LRP12: variants seen among roughly 807,000 people sequenced by gnomAD.
LRP12 encodes LDL receptor related protein 12, also known as low-density lipoprotein receptor-related protein 12.
A neutral mutation model predicts 66.0 loss-of-function variants in LRP12; 14 were observed. The ratio of observed to expected loss-of-function variants is 0.21; its 90% CI spans 0.14 to 0.33. The LOEUF (loss-of-function observed/expected upper bound fraction) is 0.33, where lower values mean the gene tolerates loss of function less well. Ranked by LOEUF, LRP12 falls within the 10% of genes least tolerant of loss-of-function variation. The probability of loss-of-function intolerance (pLI) is 1.00; values close to 1 mark genes in which losing one functional copy is unlikely to be tolerated. For missense variants in LRP12, 889 were observed against 1,053.4 expected (o/e 0.84, Z 2.16); for synonymous variants, 357 against 359.1 (o/e 0.99, Z 0.07).
At chr8:104,537,910 ATCTC>A (rs1811412903) in intron 1 of LRP12, among the ~76,000 whole-genome samples, 1 of 152,182 alleles carries the variant, frequency 6.6e-6, no homozygotes, top group Non-Finnish European at 1.5e-5. Flanking sequence ...TGGTTGCCTG[ATCTC>A]TCTGTGTGTT....
chr8:104,548,691 C>T (rs1350004975), intron 1 of LRP12, among the ~76,000 whole-genome samples: 1 of 89,984 alleles, frequency 1.1e-5, no homozygotes, highest in Non-Finnish European at 2.4e-5. Context: ...TGGCTCACGC[C>T]TGTAATCCCA....
intron 1 of LRP12, among the ~76,000 whole-genome samples, chr8:104,549,155 A>G (rs1490678412): frequency 5.9e-5 from 9 of 152,058 alleles, no homozygotes; most frequent in Admixed American, 5.9e-4. Flanking sequence ...AAAAAACAAA[A>G]GCAAAACCAC....
intron 1 of LRP12, among the ~76,000 whole-genome samples, chr8:104,578,375 A>G (rs948383538): frequency 2.0e-5 from 3 of 152,138 alleles, no homozygotes; most frequent in African/African-American, 7.2e-5. Context: ...AGCTAATAAC[A>G]AACTCTGAAA....
intron 1 of LRP12, among the ~76,000 whole-genome samples, chr8:104,537,916 C>G (rs923753107): frequency 1.3e-5 from 2 of 152,162 alleles, no homozygotes; most frequent in Non-Finnish European, 2.9e-5. Context: ...CCTGATCTCT[C>G]TGTGTGTTAT....
chr8:104,506,820 A>G (rs1164210667), intron 3 of LRP12: 2 of 152,192 alleles, frequency 1.3e-5, no homozygotes, highest in Non-Finnish European at 2.9e-5. Context: ...CACCATCTTA[A>G]GCAAGTTTTA....
At chr8:104,588,239 C>T (rs1323000354) in intron 1 of LRP12, among the ~76,000 whole-genome samples, 1 of 152,178 alleles carries the variant, frequency 6.6e-6, no homozygotes, top group Non-Finnish European at 1.5e-5. Context: ...GTGCTGCTCC[C>T]GGGGAACCAA....
intron 1 of LRP12, among the ~76,000 whole-genome samples, chr8:104,551,908 T>C (rs1443735952): frequency 4.6e-5 from 7 of 152,212 alleles, no homozygotes; most frequent in African/African-American, 1.7e-4. Context: ...TAAATGTTTG[T>C]TGTTTTAATG....
chr8:104,546,906 T>C (rs1811568771), intron 1 of LRP12, among the ~76,000 whole-genome samples: 1 of 143,642 alleles, frequency 7.0e-6, no homozygotes, highest in African/African-American at 2.6e-5. Context: ...TTATTATATA[T>C]ATTATATAAT....
Position 104,587,122 on chromosome 8 carries a change from A to G in LRP12, c.79+1697T>C, listed in dbSNP as rs1409913758. Among the ~76,000 whole-genome samples, 3 of 152,342 alleles carry G rather than the reference A, an allele frequency of 2.0e-5. No homozygotes were observed. The East Asian group carries it at 5.8e-4, about 29-fold the overall frequency. Reference sequence around the variant, plus strand: ...GAGGCAAAAGACTTCTAGTTCAAACACTGATGACACAGGTTTTAATGAAAG... The same window carrying G: ...GAGGCAAAAGACTTCTAGTTCAAACGCTGATGACACAGGTTTTAATGAAAG... On this transcript the variant is annotated intron_variant, in intron 1 of 6. Transcript: ENST00000276654.
intron 3 of LRP12, chr8:104,505,041 TAA>T (rs1191483412): frequency 6.6e-6 from 1 of 152,176 alleles, no homozygotes; most frequent in African/African-American, 2.4e-5. Context: ...TTTTTAAGAC[TAA>T]GTCTCATTCT....
At chr8:104,524,660 T>G (rs558902864) in intron 2 of LRP12, among the ~76,000 whole-genome samples, 1 of 152,316 alleles carries the variant, frequency 6.6e-6, no homozygotes, top group African/African-American at 2.4e-5. Context: ...TTTTAAGGTA[T>G]GTACACAAAA....
intron 1 of LRP12, among the ~76,000 whole-genome samples, chr8:104,546,405 C>T (rs1021036617): frequency 6.6e-6 from 1 of 152,066 alleles, no homozygotes; most frequent in East Asian, 1.9e-4. Flanking sequence ...TAATCAATCC[C>T]GCTCCCACAC....
At chr8:104,545,809 CA>C (rs1811547354) in intron 1 of LRP12, among the ~76,000 whole-genome samples, 1 of 152,126 alleles carries the variant, frequency 6.6e-6, no homozygotes. Context: ...GGTCTGGAAC[CA>C]AACCATATCT....
chr8:104,497,817 G>A lies in LRP12; in HGVS notation c.735C>T (p.Cys245=), dbSNP rs1810759820. The A allele has an allele frequency of 6.2e-7, 1 of 1,614,032 alleles. No individual in the cohort carries two copies. The highest frequency in any genetic ancestry group is 1.3e-5 in the African/African-American group (1 of 74,898). Residue 245 remains cysteine (C), a synonymous_variant, in exon 5 of 7, where the codon TGC becomes TGT. Coordinates refer to ENST00000276654, the MANE Select transcript of LRP12 (RefSeq NM_013437.5). The surrounding 1 kb of genome is among the most constrained non-coding windows in gnomAD (Gnocchi z 4.3). ...ESLKCDGNID[C]LDLGDEIDCD... is the part of the protein sequence containing the mutation. ...AGTCTATCTCATCTCCTAGGTCAAG[G>A]CAGTCAATGTTCCCATCACATTTTA...
chr8:104,588,876 T>C lies in LRP12; in HGVS notation c.22A>G (p.Lys8Glu), dbSNP rs1437073095. ...GCAGACCTCCACCGCGGAGACTCTTTTGTGCTCCAGCGACAGGCCATAACC... is the reference window on the plus strand; with the variant it reads ...GCAGACCTCCACCGCGGAGACTCTTCTGTGCTCCAGCGACAGGCCATAACC... MACRWST[K>E]ESPRWRSALL... The change falls in exon 1 of 7, where the codon AAA (lysine) becomes GAA (glutamate). Residue 8 changes from lysine (K) to glutamate (E), a missense_variant. Physicochemically the swap from Lys to Glu is moderately conservative, Grantham distance 56. This residue lies in a region of LRP12 where 88 missense variants were observed against 72.5 expected (regional missense o/e 1.21). Coordinates refer to ENST00000276654, the MANE Select transcript of LRP12 (RefSeq NM_013437.5). 2.5e-6 allele frequency: 4 copies of C among 1,610,990 alleles called. No homozygotes were observed. Among genetic ancestry groups the C allele is most frequent in the African/African-American group, 1.3e-5 (1 of 74,820 alleles).
chr8:104,520,783 T>C lies in LRP12; in HGVS notation c.136+11124A>G, dbSNP rs188893680. 7.9e-5 allele frequency among the ~76,000 whole-genome samples: 12 copies of C among 152,220 alleles called. No individual in the cohort carries two copies. The East Asian group carries it at 2.3e-3, about 29-fold the overall frequency. On this transcript the variant is annotated intron_variant, in intron 2 of 6. Transcript: ENST00000276654. ...TGGCTTTTGCACAACAGTTTCACAG[T>C]ACATCCAATTAAAATTCATGCCTTG...
intron 1 of LRP12, among the ~76,000 whole-genome samples, chr8:104,559,714 T>C (rs560739289): frequency 1.2e-4 from 18 of 152,304 alleles, no homozygotes; most frequent in African/African-American, 4.3e-4. Flanking sequence ...CTATTTAGTA[T>C]CCTCTTTATG....
chr8:104,556,541 G>A (rs779916486), intron 1 of LRP12, among the ~76,000 whole-genome samples: 34 of 151,982 alleles, frequency 2.2e-4, no homozygotes, highest in Non-Finnish European at 3.8e-4. Context: ...AAAACCTAGA[G>A]AAGATGAATA....
intron 1 of LRP12, among the ~76,000 whole-genome samples, chr8:104,577,902 T>C (rs1812190605): frequency 6.6e-6 from 1 of 150,658 alleles, no homozygotes. Flanking sequence ...GCTAAGGCAG[T>C]ATTAAAAGGG....
Sources: allele counts gnomAD v4.1 joint callset (sites outside exome capture counted in the v4.1 genomes callset), GRCh38; gene constraint gnomAD v4.1.1; regional missense constraint gnomAD v4.1.1; non-coding constraint Gnocchi (gnomAD v3.1); transcripts MANE v1.5; gene names NCBI Gene and HGNC (gene_info 2026-07-23, HGNC 2026-07-21).